RTTN: variants seen among roughly 807,000 people sequenced by gnomAD.
RTTN encodes the protein rotatin.
A neutral mutation model predicts 269.2 loss-of-function variants in RTTN; 182 were observed. That is an observed-to-expected ratio of 0.68 (90% CI 0.60 to 0.76). The LOEUF (loss-of-function observed/expected upper bound fraction) is 0.76, where lower values mean the gene tolerates loss of function less well. Ranked by LOEUF, RTTN falls within the 30% of genes least tolerant of loss-of-function variation. The probability of loss-of-function intolerance (pLI) is 0.00; values close to 1 mark genes in which losing one functional copy is unlikely to be tolerated. For synonymous variants in RTTN, 1,006 were observed against 963.5 expected (o/e 1.04, Z -0.82); for missense variants, 2,545 against 2,608.6 (o/e 0.98, Z 0.53).
At chr18:70,150,485 T>C (rs548171707) in intron 15 of RTTN, 123 bp downstream of exon 15, 9 of 844,288 alleles carry the variant, frequency 1.1e-5, no homozygotes, top group African/African-American at 6.9e-5. Flanking sequence ...ACTGAACCAA[T>C]GCACCAAAGA....
intron 46 of RTTN, among the ~76,000 whole-genome samples, chr18:70,011,175 A>G (rs1426162286): frequency 1.3e-5 from 2 of 152,218 alleles, no homozygotes; most frequent in African/African-American, 4.8e-5. Flanking sequence ...TGGAGCTGGT[A>G]CCATTCCTTC....
intron 4 of RTTN, among the ~76,000 whole-genome samples, chr18:70,201,399 G>A (rs192566299): frequency 0.012 from 1,868 of 151,566 alleles, 23 homozygotes; most frequent in South Asian, 0.037. Context: ...TCAGGAGATC[G>A]AGACCATCCC....
intron 6 of RTTN, among the ~76,000 whole-genome samples, 184 bp from the exon 7 acceptor site, chr18:70,196,832 CAAAAT>C (rs2061821536): frequency 6.6e-6 from 1 of 151,978 alleles, no homozygotes; most frequent in Non-Finnish European, 1.5e-5. Flanking sequence ...GGAGATGGGT[CAAAAT>C]AAAATAAGAC....
intron 28 of RTTN, among the ~76,000 whole-genome samples, chr18:70,103,889 A>C (rs2059249075): frequency 6.6e-6 from 1 of 151,620 alleles, no homozygotes; most frequent in Non-Finnish European, 1.5e-5. Context: ...CTTTGCGTGT[A>C]ACGGGACCTT....
chr18:70,040,827 G>A (rs1599230309), intron 40 of RTTN, among the ~76,000 whole-genome samples: 1 of 152,088 alleles, frequency 6.6e-6, no homozygotes, highest in South Asian at 2.1e-4. Flanking sequence ...GAGGAATTTT[G>A]GAAACTATAC....
rs372388997 is a variant in RTTN, at chr18:70,114,466, T to C, written c.3662A>G (p.Asn1221Ser). Residue 1221 changes from asparagine to serine, a missense_variant, in exon 27 of 49, where the codon AAT becomes AGT. Physicochemically the swap from Asn to Ser is conservative, Grantham distance 46. Transcript: ENST00000640769. Reference protein sequence around the residue: ...LIALFDTLLLNFMEVTDRKCS... With the variant: ...LIALFDTLLLSFMEVTDRKCS... ...GTACCTGTCAGTAACTTCCATGAAATTGAGCAGCAAGGTATCAAAAAGAGC... is the reference window on the plus strand; with the variant it reads ...GTACCTGTCAGTAACTTCCATGAAACTGAGCAGCAAGGTATCAAAAAGAGC... The C allele has an allele frequency of 7.7e-5, 125 of 1,612,960 alleles. No individual in the cohort carries two copies. The highest frequency in any genetic ancestry group is 1.6e-4 in the Middle Eastern group (1 of 6,080).
intron 28 of RTTN, among the ~76,000 whole-genome samples, chr18:70,096,272 T>C (rs572166946): frequency 6.6e-6 from 1 of 152,314 alleles, no homozygotes; most frequent in African/African-American, 2.4e-5. Flanking sequence ...GAGTTTGTTA[T>C]TACCTACCTT....
At chr18:70,014,730 C>T (rs1233904865) in intron 46 of RTTN, among the ~76,000 whole-genome samples, 1 of 152,018 alleles carries the variant, frequency 6.6e-6, no homozygotes, top group Non-Finnish European at 1.5e-5. Flanking sequence ...TTATTTTTGA[C>T]CCATCCATCT....
At chr18:70,030,286 G>A (rs2056975218) in intron 41 of RTTN, among the ~76,000 whole-genome samples, 177 bp from the exon 42 acceptor site, 1 of 152,170 alleles carries the variant, frequency 6.6e-6, no homozygotes, top group African/African-American at 2.4e-5. Flanking sequence ...GAACTAAAAT[G>A]CTGAAGTCCA....
chr18:70,121,044 C>A (rs986437812), intron 26 of RTTN, among the ~76,000 whole-genome samples: 1 of 151,174 alleles, frequency 6.6e-6, no homozygotes, highest in African/African-American at 2.4e-5. Context: ...GGGCGAGACG[C>A]CGTCTCAAAA....
intron 44 of RTTN, among the ~76,000 whole-genome samples, chr18:70,021,767 G>A (rs940157395): frequency 1.8e-4 from 27 of 152,112 alleles, no homozygotes; most frequent in African/African-American, 3.1e-4. Context: ...GTTGGGTATC[G>A]AAATGGACAG....
At chr18:70,031,359 C>T (rs549373380) in intron 40 of RTTN, 101 of 399,970 alleles carry the variant, frequency 2.5e-4, no homozygotes, top group African/African-American at 1.8e-3. Context: ...TCAATTTCCT[C>T]CTTTCTCCTT....
intron 27 of RTTN, 36 bp from the exon 28 acceptor site, chr18:70,109,753 A>G (rs778172882): frequency 6.5e-7 from 1 of 1,550,074 alleles, no homozygotes; most frequent in Non-Finnish European, 8.9e-7. Context: ...AACCACCAAG[A>G]AAGTATAATG....
chr18:70,122,200 G>T (rs8095333), intron 25 of RTTN, among the ~76,000 whole-genome samples: 125,521 of 151,990 alleles, frequency 0.83, 55,185 homozygotes, highest in East Asian at 1. Flanking sequence ...GACTTAGGAT[G>T]AAATTTCTTT....
intron 37 of RTTN, among the ~76,000 whole-genome samples, chr18:70,054,654 G>A (rs192270859): frequency 6.6e-5 from 10 of 152,134 alleles, no homozygotes; most frequent in South Asian, 4.2e-4. Context: ...GCAATACGGT[G>A]AGATCCTGTT....
At chr18:70,172,525 TAATC>T (rs2061169407) in intron 11 of RTTN, among the ~76,000 whole-genome samples, 1 of 152,142 alleles carries the variant, frequency 6.6e-6, no homozygotes, top group Non-Finnish European at 1.5e-5. Flanking sequence ...CTTAGTCAAT[TAATC>T]AAAACAAATA....
Position 70,079,556 on chromosome 18 carries a change from T to C in RTTN, c.4375-4015A>G, listed in dbSNP as rs563076075. ...TAATTGATGGGGTTATCTTCTAGCA[T>C]AGTGGGGAAATTAGAGCAATCAGGT... On this transcript the variant is annotated intron_variant, in intron 32 of 48. Transcript: ENST00000640769. Among the ~76,000 whole-genome samples the C allele has an allele frequency of 1.6e-3, 236 of 152,132 alleles. 1 individual carries two copies. The highest frequency in any genetic ancestry group is 2.9e-3 in the Non-Finnish European group (200 of 67,968).
chr18:70,134,514 A>G lies in RTTN; in HGVS notation c.2913T>C (p.Ser971=). The change falls in exon 23 of 49, where the codon TCT becomes TCC. Residue 971 remains serine, a synonymous_variant. Coordinates refer to ENST00000640769, the MANE Select transcript of RTTN (RefSeq NM_173630.4). ...MWSVNPSNKP[S]LPSVFSLPVS... is the part of the protein sequence containing the mutation. Reference sequence around the variant, plus strand: ...CAGGCAAACTGAAGACCGATGGCAAAGAAGGTTTATTGGAAGGATTAACAG... The same window carrying G: ...CAGGCAAACTGAAGACCGATGGCAAGGAAGGTTTATTGGAAGGATTAACAG... 6.2e-7 allele frequency: 1 copy of G among 1,610,914 alleles called. No homozygotes were observed. The highest frequency in any genetic ancestry group is 8.5e-7 in the Non-Finnish European group (1 of 1,178,390).
At chr18:70,094,499 G>T (rs886362454) in intron 28 of RTTN, among the ~76,000 whole-genome samples, 3 of 152,046 alleles carry the variant, frequency 2.0e-5, no homozygotes, top group Admixed American at 6.6e-5. Flanking sequence ...GTTCTCTTTG[G>T]TTTCAAAGAA....
Sources: gnomAD v4.1 joint callset for allele counts (sites outside exome capture counted in the v4.1 genomes callset) on GRCh38, gnomAD v4.1.1 for gene constraint, MANE v1.5 for transcripts, NCBI Gene and HGNC (gene_info 2026-07-23, HGNC 2026-07-21) for gene names.